Variants in IL1RAPL2 observed in about 807,000 individuals in gnomAD.
The protein encoded by IL1RAPL2 is X-linked interleukin-1 receptor accessory protein-like 2.
A neutral mutation model predicts 44.1 loss-of-function variants in IL1RAPL2; 3 were observed. The ratio of observed to expected loss-of-function variants is 0.07; its 90% CI spans 0.03 to 0.18. IL1RAPL2 has a LOEUF of 0.18. IL1RAPL2 is among the 10% of genes least tolerant of loss of function. The pLI, the probability that IL1RAPL2 is intolerant of heterozygous loss-of-function variation, is 1.00. For synonymous variants in IL1RAPL2, 181 were observed against 178.8 expected (o/e 1.01, Z -0.10); for missense variants, 391 against 496.4 (o/e 0.79, Z 2.02).
intron 2 of IL1RAPL2, among the ~76,000 whole-genome samples, chrX:105,108,412 C>T (rs1414720616): frequency 1.8e-5 from 2 of 111,203 alleles, no homozygotes; most frequent in Non-Finnish European, 3.8e-5. Context: ...CTCACTGCAA[C>T]CTCCATTTCC....
At chrX:105,471,036 A>C (rs1020534880) in intron 5 of IL1RAPL2, among the ~76,000 whole-genome samples, 2 of 111,940 alleles carry the variant, frequency 1.8e-5, no homozygotes, top group Non-Finnish European at 3.8e-5. Context: ...ACTGTGGGGT[A>C]ATTAATTGGG....
intron 2 of IL1RAPL2, among the ~76,000 whole-genome samples, chrX:104,699,717 A>G (rs186850961): frequency 2.0e-3 from 223 of 111,558 alleles, no homozygotes; most frequent in Admixed American, 2.8e-3. Flanking sequence ...GTCGAATTGG[A>G]ACACAACCAG....
At chrX:105,564,048 T>C (rs891683076) in intron 6 of IL1RAPL2, among the ~76,000 whole-genome samples, 6 of 111,381 alleles carry the variant, frequency 5.4e-5, no homozygotes, top group Non-Finnish European at 1.1e-4. Flanking sequence ...AACAGATTGT[T>C]TGGGTAGGGG....
At chrX:105,369,881 G>A (rs147079117) in intron 5 of IL1RAPL2, among the ~76,000 whole-genome samples, 1,889 of 111,275 alleles carry the variant, frequency 0.017, 38 homozygotes, top group African/African-American at 0.059. Flanking sequence ...TCCTGTTAGA[G>A]CAAGCAGAAT....
chrX:104,882,053 G>C (rs1036936841), intron 2 of IL1RAPL2, among the ~76,000 whole-genome samples: 1 of 112,143 alleles, frequency 8.9e-6, no homozygotes, highest in Non-Finnish European at 1.9e-5. Context: ...AGGCATATAT[G>C]CTTCTCTTTA....
intron 4 of IL1RAPL2, among the ~76,000 whole-genome samples, chrX:105,256,350 A>G: frequency 9.8e-6 from 1 of 102,307 alleles, no homozygotes; most frequent in Non-Finnish European, 2.0e-5. Flanking sequence ...TTTTTTTGAG[A>G]CGGAGTCTCT....
Position 104,738,478 on chromosome X carries a change from A to G in IL1RAPL2, c.82+79483A>G, listed in dbSNP as rs184215341. On this transcript the variant is annotated intron_variant, in intron 2 of 10. Transcript: ENST00000372582. The stretch of plus-strand genomic sequence containing the variant: ...GACAACACAGGTAAACTGAAATGTT[A>G]TGGTCAACCCTTGCTCAGAGCTGCT... Among the ~76,000 whole-genome samples, 32 of 112,588 alleles carry G rather than the reference A, an allele frequency of 2.8e-4. No homozygotes were observed. In the Admixed American group the frequency reaches 2.9e-3, roughly 10 times the overall value.
In IL1RAPL2 at chrX:105,216,795, A is replaced by G. The variant is rs781864195; in HGVS notation, c.357-17023A>G. On this transcript the variant is annotated intron_variant, in intron 3 of 10. Coordinates refer to ENST00000372582, the MANE Select transcript of IL1RAPL2 (RefSeq NM_017416.2). ...ATGGAACAGAGACCTCAGAAATAAC[A>G]CCACACATCTACAACCATCTGATCT... Among the ~76,000 whole-genome samples, 444 of 111,567 alleles carry G rather than the reference A, an allele frequency of 4.0e-3. 1 individual carries two copies. The highest frequency in any genetic ancestry group is 9.2e-3 in the Middle Eastern group (2 of 218).
chrX:105,673,077 T>A (rs1159688314), intron 6 of IL1RAPL2, among the ~76,000 whole-genome samples: 1 of 111,471 alleles, frequency 9.0e-6, no homozygotes, highest in Non-Finnish European at 1.9e-5. Flanking sequence ...GCTTTACACA[T>A]AATATCCAGA....
chrX:105,490,109 T>G (rs938014385), intron 6 of IL1RAPL2, among the ~76,000 whole-genome samples: 1 of 111,824 alleles, frequency 8.9e-6, no homozygotes, highest in Non-Finnish European at 1.9e-5. Flanking sequence ...ATTACAGGCA[T>G]GAGCCATCGA....
chrX:105,593,161 C>T (rs770424472), intron 6 of IL1RAPL2, among the ~76,000 whole-genome samples: 20 of 110,948 alleles, frequency 1.8e-4, no homozygotes, highest in East Asian at 8.5e-4. Flanking sequence ...TTTTTCTGAC[C>T]GAGTTGATTC....
chrX:104,697,891 G>A (rs1931207762), intron 2 of IL1RAPL2, among the ~76,000 whole-genome samples: 1 of 112,811 alleles, frequency 8.9e-6, no homozygotes, highest in African/African-American at 3.2e-5. Context: ...ATTTCCATGA[G>A]TCAGACACCT....
chrX:104,950,736 TCTCGCTGTCGCCC>T (rs1349956142), intron 2 of IL1RAPL2, among the ~76,000 whole-genome samples: 1 of 107,465 alleles, frequency 9.3e-6, no homozygotes, highest in Non-Finnish European at 1.9e-5. Flanking sequence ...TGAGACGGAG[TCTCGCTGTCGCCC>T]AGGCTGGAGT....
intron 2 of IL1RAPL2, among the ~76,000 whole-genome samples, chrX:104,919,246 A>C (rs1241560344): frequency 1.0e-5 from 1 of 97,774 alleles, no homozygotes; most frequent in Non-Finnish European, 2.0e-5. Flanking sequence ...TTTTTTTAAG[A>C]TGGTGTTTCG....
At chrX:105,427,852 A>G (rs1204741453) in intron 5 of IL1RAPL2, among the ~76,000 whole-genome samples, 1 of 111,959 alleles carries the variant, frequency 8.9e-6, no homozygotes, top group African/African-American at 3.2e-5. Context: ...TGAGTTTCTG[A>G]TTCAGTTTCT....
intron 2 of IL1RAPL2, among the ~76,000 whole-genome samples, chrX:105,106,091 T>C (rs761875873): frequency 4.5e-5 from 5 of 112,114 alleles, no homozygotes; most frequent in Admixed American, 2.8e-4. Context: ...GGAGCCTCAA[T>C]GCATGAAAGT....
At chrX:105,424,721 G>A (rs1449515744) in intron 5 of IL1RAPL2, among the ~76,000 whole-genome samples, 2 of 109,056 alleles carry the variant, frequency 1.8e-5, no homozygotes, top group African/African-American at 6.7e-5. Flanking sequence ...TTGCACTCCA[G>A]CCTGGGTGAC....
intron 1 of IL1RAPL2, among the ~76,000 whole-genome samples, chrX:104,601,132 CT>C (rs770554025): frequency 1.4e-4 from 16 of 110,496 alleles, no homozygotes; most frequent in Admixed American, 4.8e-4. Flanking sequence ...GAGCAATTTT[CT>C]TTTTTTTTAT....
Position 105,430,279 on chromosome X carries a change from T to C in IL1RAPL2, c.698-54034T>C, listed in dbSNP as rs906201548. Among the ~76,000 whole-genome samples, 4 of 111,608 alleles carry C rather than the reference T, an allele frequency of 3.6e-5. No individual in the cohort carries two copies. In the South Asian group the frequency reaches 1.1e-3, roughly 32 times the overall value. On this transcript the variant is annotated intron_variant, in intron 5 of 10. Transcript: ENST00000372582. The stretch of plus-strand genomic sequence containing the variant: ...CAATTCACAACACCCATAGTAGACA[T>C]TGCCAATCACCGGTAGTACTCTTTC...
Sources: gnomAD v4.1 joint callset for allele counts (sites outside exome capture counted in the v4.1 genomes callset) on GRCh38, gnomAD v4.1.1 for gene constraint, MANE v1.5 for transcripts, NCBI Gene and HGNC (gene_info 2026-07-23, HGNC 2026-07-21) for gene names.